C12orf42: variants seen among roughly 807,000 people sequenced by gnomAD.
The protein encoded by C12orf42 is chromosome 12 open reading frame 42, also known as uncharacterized protein C12orf42.
C12orf42 carries 25 observed loss-of-function variants against 21.6 expected under a neutral mutation model. The observed-to-expected ratio is 1.16, with a 90% confidence interval of 0.84 to 1.62. The LOEUF (loss-of-function observed/expected upper bound fraction) is 1.62, where lower values mean the gene tolerates loss of function less well. Ranked by LOEUF, C12orf42 falls within the 40% of genes most tolerant of loss-of-function variation. The pLI is 0.00. For synonymous variants in C12orf42, 174 were observed against 175.0 expected (o/e 0.99, Z 0.05); for missense variants, 483 against 459.3 (o/e 1.05, Z -0.47).
intron 3 of C12orf42, among the ~76,000 whole-genome samples, chr12:103,374,063 T>C (rs1029679779): frequency 1.3e-5 from 2 of 152,328 alleles, no homozygotes; most frequent in East Asian, 1.9e-4. Flanking sequence ...TCAATGCTGA[T>C]GGCAATCTGG....
intron 2 of C12orf42, among the ~76,000 whole-genome samples, chr12:103,473,924 G>C (rs1478926671): frequency 6.6e-6 from 1 of 152,140 alleles, no homozygotes; most frequent in Non-Finnish European, 1.5e-5. Context: ...TGAATAAAAA[G>C]GATATCATAT....
the C12orf42 span, among the ~76,000 whole-genome samples, chr12:103,530,835 C>G: frequency 1.6e-4 from 24 of 152,152 alleles, no homozygotes; most frequent in African/African-American, 5.8e-4. Context: ...CAGCTCTGTC[C>G]TATTGTGAGC....
At chr12:103,327,407 CA>C (rs980110599) in intron 4 of C12orf42, among the ~76,000 whole-genome samples, 1 of 151,760 alleles carries the variant, frequency 6.6e-6, no homozygotes, top group African/African-American at 2.4e-5. Flanking sequence ...CATACTGATA[CA>C]AAAAAAATCT....
chr12:103,199,077 G>C, the C12orf42 span, among the ~76,000 whole-genome samples: 2 of 152,244 alleles, frequency 1.3e-5, no homozygotes, highest in East Asian at 3.9e-4. Context: ...TAAAACTACA[G>C]TAATCAAAAC....
chr12:103,412,858 T>A (rs2048967338), intron 2 of C12orf42, among the ~76,000 whole-genome samples: 1 of 152,238 alleles, frequency 6.6e-6, no homozygotes, highest in Non-Finnish European at 1.5e-5. Context: ...TTCTGGATAT[T>A]TAGCCTTTGT....
chr12:103,194,409 T>C, the C12orf42 span, among the ~76,000 whole-genome samples: 1 of 152,128 alleles, frequency 6.6e-6, no homozygotes, highest in South Asian at 2.1e-4. Context: ...CATGATCTCA[T>C]ATCTAGAAAA....
At chr12:103,340,904 G>C (rs1225737514) in intron 4 of C12orf42, among the ~76,000 whole-genome samples, 1 of 152,062 alleles carries the variant, frequency 6.6e-6, no homozygotes, top group African/African-American at 2.4e-5. Flanking sequence ...ACGAGGTCAG[G>C]AGATCGAGAC....
chr12:103,108,692 A>AAG, the C12orf42 span, among the ~76,000 whole-genome samples: 1 of 152,140 alleles, frequency 6.6e-6, no homozygotes, highest in Admixed American at 6.5e-5. Context: ...GAAACAAATC[A>AAG]AGAGTGCCAG....
chr12:103,371,418 T>C (rs1014982485), intron 3 of C12orf42, among the ~76,000 whole-genome samples: 2 of 152,292 alleles, frequency 1.3e-5, no homozygotes, highest in Non-Finnish European at 1.5e-5. Context: ...GTACCAGTCA[T>C]GGAGCATGGG....
the C12orf42 span, among the ~76,000 whole-genome samples, chr12:103,102,435 T>A: frequency 6.6e-6 from 1 of 152,200 alleles, no homozygotes; most frequent in Non-Finnish European, 1.5e-5. Flanking sequence ...CATTTGGGAC[T>A]GAGCCGTTAC....
At chr12:103,545,132 A>G in the C12orf42 span, among the ~76,000 whole-genome samples, 1 of 152,208 alleles carries the variant, frequency 6.6e-6, no homozygotes, top group African/African-American at 2.4e-5. Context: ...TCATTAGTAC[A>G]TCTTAGGATT....
the C12orf42 span, among the ~76,000 whole-genome samples, chr12:103,130,422 T>C: frequency 6.6e-6 from 1 of 151,610 alleles, no homozygotes; most frequent in East Asian, 1.9e-4. Flanking sequence ...TGCATTGTGG[T>C]TTTCAAAAAG....
the C12orf42 span, among the ~76,000 whole-genome samples, chr12:103,555,406 G>T: frequency 2.6e-5 from 4 of 152,004 alleles, no homozygotes; most frequent in Non-Finnish European, 5.9e-5. Flanking sequence ...GGAAAGACCT[G>T]CCCCCATGAT....
At chr12:103,426,113 G>C (rs1343305668) in intron 2 of C12orf42, among the ~76,000 whole-genome samples, 2 of 152,318 alleles carry the variant, frequency 1.3e-5, no homozygotes, top group East Asian at 3.9e-4. Context: ...GAATGAGCTT[G>C]ATGAATTGAC....
the C12orf42 span, among the ~76,000 whole-genome samples, chr12:103,065,333 T>C: frequency 6.6e-6 from 1 of 152,200 alleles, no homozygotes; most frequent in Non-Finnish European, 1.5e-5. Context: ...AATTAACACA[T>C]CTCCTGGTAC....
chr12:103,163,820 A>G, the C12orf42 span, among the ~76,000 whole-genome samples: 1 of 152,176 alleles, frequency 6.6e-6, no homozygotes, highest in Non-Finnish European at 1.5e-5. Context: ...AAATTGGGAT[A>G]GTTAAAGTGC....
intron 2 of C12orf42, among the ~76,000 whole-genome samples, chr12:103,407,980 A>G (rs1217088994): frequency 6.6e-6 from 1 of 152,220 alleles, no homozygotes; most frequent in Non-Finnish European, 1.5e-5. Context: ...GGCAAAGCAC[A>G]AAATAATCAT....
the C12orf42 span, among the ~76,000 whole-genome samples, chr12:103,223,371 G>A: frequency 6.6e-6 from 1 of 152,114 alleles, no homozygotes; most frequent in Non-Finnish European, 1.5e-5. Context: ...ATTGGTGATG[G>A]CCTGGATATG....
At chr12:103,414,960 G>A (rs994216949) in intron 2 of C12orf42, among the ~76,000 whole-genome samples, 2 of 151,976 alleles carry the variant, frequency 1.3e-5, no homozygotes, top group African/African-American at 4.8e-5. Context: ...TGTCTTCAAA[G>A]ATACAGAATA....
Sources: allele counts gnomAD v4.1 joint callset (sites outside exome capture counted in the v4.1 genomes callset), GRCh38; gene constraint gnomAD v4.1.1; transcripts MANE v1.5; gene names NCBI Gene and HGNC (gene_info 2026-07-23, HGNC 2026-07-21).